The following UBOX5 variants were observed in gnomAD, a reference collection of about 807,000 sequenced individuals.
UBOX5 encodes the protein RING finger protein 37.
UBOX5 carries 28 observed loss-of-function variants against 39.0 expected under a neutral mutation model. The observed-to-expected ratio is 0.72, with a 90% CI of 0.53 to 0.98. UBOX5 has a LOEUF of 0.98. UBOX5 is among the 50% of genes least tolerant of loss of function. The pLI is 0.00. For missense variants in UBOX5, 585 were observed against 674.4 expected (o/e 0.87, Z 1.47); for synonymous variants, 283 against 275.5 (o/e 1.03, Z -0.27).
chr20:3,124,206 A>T lies in UBOX5; in HGVS notation c.-41-800T>A, dbSNP rs564090490. The stretch of plus-strand genomic sequence containing the variant: ...AGAGTGAGACCCTGTCTCAAAGGAA[A>T]AAAGAAAAGCCTCTCCCCTCTCCCC... On this transcript the variant is annotated intron_variant, in intron 1 of 4. Transcript: ENST00000217173. 1.1e-4 allele frequency among the ~76,000 whole-genome samples: 16 copies of T among 152,212 alleles called. 1 individual carries two copies. The highest frequency in any genetic ancestry group is 2.9e-4 in the African/African-American group (12 of 41,540).
chr20:3,132,691 G>T (rs2066438812), intron 1 of UBOX5, among the ~76,000 whole-genome samples: 1 of 151,670 alleles, frequency 6.6e-6, no homozygotes, highest in Admixed American at 6.6e-5. Context: ...GTGGTGGCAG[G>T]TGCCTGTAAT....
At chr20:3,133,974 C>G (rs962747849) in intron 1 of UBOX5, among the ~76,000 whole-genome samples, 6 of 152,064 alleles carry the variant, frequency 3.9e-5, no homozygotes, top group African/African-American at 1.4e-4. Context: ...CCAGGCTCTT[C>G]TCAAACTCCT....
At chr20:3,133,110 A>T (rs529398906) in intron 1 of UBOX5, among the ~76,000 whole-genome samples, 1 of 152,314 alleles carries the variant, frequency 6.6e-6, no homozygotes, top group South Asian at 2.1e-4. Flanking sequence ...TTTTAAAAAT[A>T]TCTTACAAAT....
At chr20:3,142,555 G>A (rs1317606642) in intron 1 of UBOX5, among the ~76,000 whole-genome samples, 1 of 146,548 alleles carries the variant, frequency 6.8e-6, no homozygotes, top group Non-Finnish European at 1.5e-5. Context: ...AGTGAGCTGA[G>A]ATCGTGCTAC....
At position 3,152,558 on chromosome 20, in the gene UBOX5, C is replaced by T. The variant is rs140908214; in HGVS notation, c.-42+7208G>A. On this transcript the variant is annotated intron_variant, in intron 1 of 4. Coordinates refer to ENST00000217173, the MANE Select transcript of UBOX5 (RefSeq NM_014948.4). ...ATTTGGAATTTAATTTAATCCACCA[C>T]AATGTGCAACTAAAGCCATATACTG... Among the ~76,000 whole-genome samples, 233 of 152,136 alleles carry T rather than the reference C, an allele frequency of 1.5e-3. 1 individual carries two copies. The highest frequency in any genetic ancestry group is 5.3e-3 in the African/African-American group (222 of 41,516).
chr20:3,132,942 C>T (rs559161539), intron 1 of UBOX5, among the ~76,000 whole-genome samples: 12 of 149,072 alleles, frequency 8.0e-5, no homozygotes, highest in East Asian at 2.0e-4. Flanking sequence ...GGCAACATAG[C>T]GAGACCCAGT....
chr20:3,141,047 T>C (rs2066513801), intron 1 of UBOX5, among the ~76,000 whole-genome samples: 1 of 151,436 alleles, frequency 6.6e-6, no homozygotes, highest in Non-Finnish European at 1.5e-5. Flanking sequence ...GCCTCCCAAG[T>C]AGCTGGGATT....
chr20:3,122,782 C>T (rs769723546), intron 2 of UBOX5, among the ~76,000 whole-genome samples, 198 bp from the exon 3 acceptor site: 8 of 152,134 alleles, frequency 5.3e-5, no homozygotes, highest in Non-Finnish European at 1.0e-4. Context: ...ATTGCCCAAC[C>T]TTAAAAATAT....
intron 3 of UBOX5, among the ~76,000 whole-genome samples, chr20:3,120,223 T>C (rs1252290681): frequency 1.3e-5 from 2 of 150,962 alleles, no homozygotes; most frequent in Non-Finnish European, 2.9e-5. Context: ...GGCGCGCGTC[T>C]GTAATCCCAG....
At chr20:3,156,173 CTTTTTTT>C (rs761149925) in intron 1 of UBOX5, among the ~76,000 whole-genome samples, 1 of 130,160 alleles carries the variant, frequency 7.7e-6, no homozygotes, top group Non-Finnish European at 1.6e-5. Context: ...ACTTCTGACT[CTTTTTTT>C]TTTTTTTTTT....
chr20:3,142,903 A>G (rs972425329), intron 1 of UBOX5, among the ~76,000 whole-genome samples: 4 of 151,818 alleles, frequency 2.6e-5, no homozygotes, highest in Admixed American at 1.3e-4. Flanking sequence ...ATATCTTATT[A>G]GAAGTTCCAA....
chr20:3,122,642 G>C, intron 2 of UBOX5, 58 bp from the exon 3 acceptor site: 1 of 1,507,586 alleles, frequency 6.6e-7, no homozygotes, highest in South Asian at 1.4e-5. Flanking sequence ...CTTGTCACTT[G>C]TAAGAAAACT....
chr20:3,119,577 G>A (rs1429970172), intron 3 of UBOX5, among the ~76,000 whole-genome samples: 1 of 152,206 alleles, frequency 6.6e-6, no homozygotes, highest in East Asian at 1.9e-4. Flanking sequence ...TCTCAGGCCA[G>A]GCGCGGTGGC....
At chr20:3,137,142 A>G (rs1057125591) in intron 1 of UBOX5, among the ~76,000 whole-genome samples, 1 of 146,582 alleles carries the variant, frequency 6.8e-6, no homozygotes, top group African/African-American at 2.6e-5. Context: ...ACAGGGTTTC[A>G]CCATGGTAGC....
At chr20:3,136,406 T>A (rs1185193729) in intron 1 of UBOX5, among the ~76,000 whole-genome samples, 1 of 152,066 alleles carries the variant, frequency 6.6e-6, no homozygotes, top group Non-Finnish European at 1.5e-5. Flanking sequence ...TAGGCTGGAG[T>A]GCAGTGGCAC....
In UBOX5 at chr20:3,149,122, T is replaced by C; in HGVS notation, c.-42+10644A>G. On this transcript the variant is annotated intron_variant, in intron 1 of 4. Coordinates refer to ENST00000217173, the MANE Select transcript of UBOX5 (RefSeq NM_014948.4). The surrounding 1 kb of genome is among the most constrained non-coding windows in gnomAD (Gnocchi z 4.1). ...CAGTCAGAATACAGTCCTCACAGAT[T>C]TGACCAGGCAATTTCTTGTTTATAT... The C allele has an allele frequency of 6.5e-7, 1 of 1,540,456 alleles. No homozygotes were observed. The highest frequency in any genetic ancestry group is 8.7e-7 in the Non-Finnish European group (1 of 1,144,854).
At chr20:3,135,138 A>G (rs1250112310) in intron 1 of UBOX5, among the ~76,000 whole-genome samples, 1 of 152,174 alleles carries the variant, frequency 6.6e-6, no homozygotes. Context: ...TTGTGACTTG[A>G]TAAAAAAAAT....
At chr20:3,114,676 G>A (rs527782776) in intron 4 of UBOX5, among the ~76,000 whole-genome samples, 11 of 152,276 alleles carry the variant, frequency 7.2e-5, no homozygotes, top group Middle Eastern at 3.4e-3. Context: ...AAGGCCAGGC[G>A]CGGTGGCTCA....
At chr20:3,136,753 TCACGC>T (rs2066475896) in intron 1 of UBOX5, among the ~76,000 whole-genome samples, 2 of 151,972 alleles carry the variant, frequency 1.3e-5, no homozygotes, top group South Asian at 4.2e-4. Context: ...CCTCCCAGGT[TCACGC>T]CATTCTCCTG....
Sources: allele counts gnomAD v4.1 joint callset (sites outside exome capture counted in the v4.1 genomes callset), GRCh38; gene constraint gnomAD v4.1.1; non-coding constraint Gnocchi (gnomAD v3.1); transcripts MANE v1.5; gene names NCBI Gene and HGNC (gene_info 2026-07-23, HGNC 2026-07-21).